Variants in FARS2 observed in about 807,000 individuals in gnomAD.
FARS2 encodes the protein phenylalanine--tRNA ligase, mitochondrial.
FARS2 carries 40 observed loss-of-function variants against 46.4 expected under a neutral mutation model. That is an observed-to-expected ratio of 0.86 (90% CI 0.67 to 1.12). FARS2 has a LOEUF of 1.12. Among genes scored for constraint, FARS2 ranks in the 50% most tolerant of loss-of-function variants. The pLI is 0.00. For missense variants in FARS2, 513 were observed against 567.9 expected (o/e 0.90, Z 0.98); for synonymous variants, 234 against 214.9 (o/e 1.09, Z -0.78).
At chr6:5,427,921 A>G (rs1219805515) in intron 3 of FARS2, among the ~76,000 whole-genome samples, 1 of 152,166 alleles carries the variant, frequency 6.6e-6, no homozygotes, top group African/African-American at 2.4e-5. Context: ...GTTTTTTCTC[A>G]TTATAGAAGT....
At chr6:5,371,647 G>A (rs1311050678) in intron 2 of FARS2, among the ~76,000 whole-genome samples, 2 of 152,070 alleles carry the variant, frequency 1.3e-5, no homozygotes, top group African/African-American at 4.8e-5. Context: ...TGTCATATTT[G>A]GGGATAGGAT....
At chr6:5,323,140 G>T (rs1770104650) in intron 1 of FARS2, among the ~76,000 whole-genome samples, 1 of 152,062 alleles carries the variant, frequency 6.6e-6, no homozygotes. Context: ...TATTTTGGAA[G>T]TACTCATCAT....
intron 1 of FARS2, among the ~76,000 whole-genome samples, chr6:5,341,235 ATTTTTT>A (rs70974193): frequency 9.7e-5 from 1 of 10,272 alleles, no homozygotes; most frequent in African/African-American, 2.6e-4. Context: ...ATATATATAT[ATTTTTT>A]TTTTTTTTTT....
At chr6:5,411,609 C>T (rs1761946055) in intron 3 of FARS2, among the ~76,000 whole-genome samples, 1 of 152,030 alleles carries the variant, frequency 6.6e-6, no homozygotes, top group Non-Finnish European at 1.5e-5. Flanking sequence ...TTCCTTTGTT[C>T]TTGAAAAGCA....
At chr6:5,746,748 C>T (rs938566968) in intron 6 of FARS2, among the ~76,000 whole-genome samples, 2 of 152,150 alleles carry the variant, frequency 1.3e-5, no homozygotes, top group African/African-American at 4.8e-5. Context: ...GTGCACATCA[C>T]TAATAGTGAT....
At chr6:5,377,204 T>A (rs977812309) in intron 2 of FARS2, among the ~76,000 whole-genome samples, 1 of 152,230 alleles carries the variant, frequency 6.6e-6, no homozygotes, top group Non-Finnish European at 1.5e-5. Flanking sequence ...GAAACATGCA[T>A]GTGTGGACCA....
At chr6:5,274,082 G>A (rs924901577) in intron 1 of FARS2, among the ~76,000 whole-genome samples, 1 of 152,162 alleles carries the variant, frequency 6.6e-6, no homozygotes, top group Non-Finnish European at 1.5e-5. Flanking sequence ...AGTACTTAGG[G>A]TTTCGTACGC....
rs1220006397 is a variant in FARS2, at chr6:5,510,464, C to T, written c.905-34716C>T. On this transcript the variant is annotated intron_variant, in intron 4 of 6. Transcript: ENST00000274680. Reference sequence around the variant, plus strand: ...GCATTTGTCTGACCGTGAGTTCCGCCGCAGCCTGGCCTGTCTTTCGCCCTA... The same window carrying T: ...GCATTTGTCTGACCGTGAGTTCCGCTGCAGCCTGGCCTGTCTTTCGCCCTA... Among the ~76,000 whole-genome samples, 3 of 152,204 alleles carry T rather than the reference C, an allele frequency of 2.0e-5. No homozygotes were observed. The East Asian group carries it at 5.8e-4, about 29-fold the overall frequency.
chr6:5,439,311 A>G (rs1763712256), intron 4 of FARS2, among the ~76,000 whole-genome samples: 1 of 152,206 alleles, frequency 6.6e-6, no homozygotes, highest in South Asian at 2.1e-4. Flanking sequence ...TCTCTACCCC[A>G]AGATCATACC....
At chr6:5,299,814 T>G (rs1009798742) in intron 1 of FARS2, among the ~76,000 whole-genome samples, 13 of 152,106 alleles carry the variant, frequency 8.5e-5, no homozygotes, top group Non-Finnish European at 2.9e-5. Context: ...GATAGTTTGC[T>G]GAGAATGATG....
At chr6:5,546,819 T>C (rs1427835576) in intron 5 of FARS2, among the ~76,000 whole-genome samples, 2 of 152,096 alleles carry the variant, frequency 1.3e-5, no homozygotes, top group Admixed American at 6.5e-5. Context: ...TTATCAATTC[T>C]AGAATTTGCA....
At chr6:5,348,572 G>A (rs1215255280) in intron 1 of FARS2, among the ~76,000 whole-genome samples, 2 of 55,694 alleles carry the variant, frequency 3.6e-5, no homozygotes, top group African/African-American at 8.9e-5. Flanking sequence ...CTGTGCCACC[G>A]TGGTTCTTGT....
intron 4 of FARS2, among the ~76,000 whole-genome samples, chr6:5,453,746 A>G (rs1454987589): frequency 2.0e-5 from 3 of 152,208 alleles, no homozygotes; most frequent in Admixed American, 6.5e-5. Flanking sequence ...CAGGTGCCCC[A>G]GATGGTACCA....
intron 6 of FARS2, among the ~76,000 whole-genome samples, chr6:5,678,066 G>A (rs1778853480): frequency 6.6e-6 from 1 of 152,192 alleles, no homozygotes; most frequent in African/African-American, 2.4e-5. Flanking sequence ...TTTGAGCTGA[G>A]CAAAACGAAG....
At chr6:5,271,380 C>A (rs1490299051) in intron 1 of FARS2, among the ~76,000 whole-genome samples, 1 of 152,034 alleles carries the variant, frequency 6.6e-6, no homozygotes, top group East Asian at 1.9e-4. Flanking sequence ...ATAACTGTGA[C>A]CAGGGAGAAG....
intron 4 of FARS2, among the ~76,000 whole-genome samples, chr6:5,477,794 G>A (rs1766209545): frequency 6.6e-6 from 1 of 152,166 alleles, no homozygotes; most frequent in African/African-American, 2.4e-5. Context: ...CAAGATGGGA[G>A]GATGGCTTGA....
In FARS2 at chr6:5,530,792, C is replaced by T. The variant is rs144802243; in HGVS notation, c.905-14388C>T. On this transcript the variant is annotated intron_variant, in intron 4 of 6. Coordinates refer to ENST00000274680, the MANE Select transcript of FARS2 (RefSeq NM_006567.5). ...ATTTCATATATTGTATAATATAGAA[C>T]TATATATTGACAAATATATCAATAT... Among the ~76,000 whole-genome samples the T allele has an allele frequency of 2.7e-4, 39 of 144,322 alleles. No homozygotes were observed. The East Asian group carries it at 7.5e-3, about 28-fold the overall frequency. 94.7% of individuals were successfully genotyped at this position (144,322 alleles called of 152,430 possible). A position where few individuals can be genotyped will look rare whatever the true frequency, so the allele number is the denominator to read the frequency against.
intron 6 of FARS2, among the ~76,000 whole-genome samples, chr6:5,664,268 T>C (rs1777995384): frequency 6.6e-6 from 1 of 152,208 alleles, no homozygotes. Context: ...GGCTTGGAAG[T>C]CAAAGACTAT....
At chr6:5,678,721 G>C (rs1294159446) in intron 6 of FARS2, among the ~76,000 whole-genome samples, 1 of 152,140 alleles carries the variant, frequency 6.6e-6, no homozygotes, top group Non-Finnish European at 1.5e-5. Flanking sequence ...GGACCTACCT[G>C]GCTGAGTGGT....
Sources: gnomAD v4.1 joint callset for allele counts (sites outside exome capture counted in the v4.1 genomes callset) on GRCh38, gnomAD v4.1.1 for gene constraint, MANE v1.5 for transcripts, NCBI Gene and HGNC (gene_info 2026-07-23, HGNC 2026-07-21) for gene names.